BPI: variants seen among roughly 807,000 people sequenced by gnomAD.
BPI encodes bactericidal permeability-increasing protein.
In BPI, 48 loss-of-function variants were observed where a neutral mutation model predicts 57.6. That is an observed-to-expected ratio of 0.83 (90% confidence interval 0.66 to 1.06). BPI has a LOEUF of 1.06. BPI is among the 50% of genes least tolerant of loss of function. The pLI is 0.00. For missense variants in BPI, 651 were observed against 609.7 expected (o/e 1.07, Z -0.71); for synonymous variants, 237 against 238.2 (o/e 0.99, Z 0.05).
chr20:38,310,573 G>T lies in BPI; in HGVS notation c.457G>T (p.Gly153Cys). The T allele has an allele frequency of 6.2e-7, 1 of 1,614,170 alleles. No individual in the cohort carries two copies. The highest frequency in any genetic ancestry group is 2.2e-5 in the East Asian group (1 of 44,880). ...GAAGCTGGGCAGTAACCCCACGTCAGGCAAGCCCACCATCACCTGCTCCAG... is the reference window on the plus strand; with the variant it reads ...GAAGCTGGGCAGTAACCCCACGTCATGCAAGCCCACCATCACCTGCTCCAG... ...DLKLGSNPTS[G>C]KPTITCSSCS... Residue 153 changes from glycine (G) to cysteine (C), a missense_variant, in exon 4 of 15, where the codon GGC (glycine) becomes TGC (cysteine). Physicochemically the swap from Gly to Cys is radical, Grantham distance 159. Coordinates refer to ENST00000642449, the MANE Select transcript of BPI (RefSeq NM_001725.3).
At chr20:38,307,754 C>A in intron 2 of BPI, 73 bp downstream of exon 2, 2 of 1,253,678 alleles carry the variant, frequency 1.6e-6, no homozygotes, top group Admixed American at 2.0e-5. Flanking sequence ...AGCTAGAATG[C>A]AGAGCCACAA....
intron 1 of BPI, among the ~76,000 whole-genome samples, chr20:38,305,274 TA>T (rs1283925790): frequency 2.0e-5 from 3 of 151,756 alleles, no homozygotes; most frequent in African/African-American, 7.3e-5. Flanking sequence ...ACAGAAGAGC[TA>T]GGGGGAAGGA....
chr20:38,314,391 T>G (rs1353907056), intron 5 of BPI, among the ~76,000 whole-genome samples: 16 of 88,920 alleles, frequency 1.8e-4, no homozygotes, highest in Non-Finnish European at 2.0e-4. Flanking sequence ...GATGGTGAGA[T>G]TGATGATGGT....
chr20:38,311,548 A>G (rs1320621631), intron 4 of BPI, among the ~76,000 whole-genome samples: 13 of 152,188 alleles, frequency 8.5e-5, no homozygotes, highest in Admixed American at 8.5e-4. Flanking sequence ...AGGGAAGAGC[A>G]TGTGCAAAGG....
At chr20:38,316,824 G>C (rs572181560) in intron 5 of BPI, among the ~76,000 whole-genome samples, 17 of 152,210 alleles carry the variant, frequency 1.1e-4, no homozygotes, top group Non-Finnish European at 2.1e-4. Context: ...AGTCCAGAGA[G>C]TGTGGGTGAG....
intron 11 of BPI, among the ~76,000 whole-genome samples, chr20:38,329,288 C>A (rs78256672): frequency 3.9e-5 from 6 of 152,110 alleles, no homozygotes; most frequent in Non-Finnish European, 5.9e-5. Flanking sequence ...ACCTGGCACC[C>A]GCCTCTTCAG....
intron 12 of BPI, 91 bp downstream of exon 12, chr20:38,331,181 G>T: frequency 1.4e-6 from 2 of 1,424,124 alleles, no homozygotes; most frequent in Admixed American, 3.7e-5. Context: ...TATTTAAGAG[G>T]CTACTGGCTC....
intron 10 of BPI, among the ~76,000 whole-genome samples, chr20:38,327,266 CT>C (rs2122550903): frequency 6.6e-6 from 1 of 152,366 alleles, no homozygotes; most frequent in South Asian, 2.1e-4. Context: ...GAACCGGGGA[CT>C]TCCTTCTCAT....
chr20:38,312,184 C>T (rs1289526299), intron 5 of BPI, among the ~76,000 whole-genome samples: 1 of 152,162 alleles, frequency 6.6e-6, no homozygotes, highest in Non-Finnish European at 1.5e-5. Flanking sequence ...GCTTGGGCCA[C>T]CTCTGCTTTT....
chr20:38,324,064 G>A lies in BPI; in HGVS notation c.933+18G>A. On this transcript the variant is annotated intron_variant, in intron 8 of 14. Coordinates refer to ENST00000642449, the MANE Select transcript of BPI (RefSeq NM_001725.3). The stretch of plus-strand genomic sequence containing the variant: ...ATGACATGGTAAGGCCGGGCTCTGG[G>A]TGGGTGTGGGAAGAGCACTGGACCC... The A allele has an allele frequency of 2.5e-6, 4 of 1,612,460 alleles. No individual in the cohort carries two copies. The highest frequency in any genetic ancestry group is 3.4e-6 in the Non-Finnish European group (4 of 1,179,640).
intron 7 of BPI, chr20:38,321,520 C>T (rs2076685626): frequency 6.6e-6 from 1 of 152,132 alleles, no homozygotes; most frequent in African/African-American, 2.4e-5. Flanking sequence ...ACTCAGCTGT[C>T]ACTCCCAGAG....
chr20:38,318,405 C>T lies in BPI; in HGVS notation c.601-8C>T. The T allele has an allele frequency of 6.2e-7, 1 of 1,612,018 alleles. No individual in the cohort carries two copies. Among genetic ancestry groups the T allele is most frequent in the Non-Finnish European group, 8.5e-7 (1 of 1,178,028 alleles). ...GACCTTACTGATTACTTGTTTGGTT[C>T]TCCCCAGGTCTGCGAGAAAGTGACC... On this transcript the variant is annotated splice_polypyrimidine_tract_variant and splice_region_variant and intron_variant, in intron 5 of 14. Transcript: ENST00000642449.
chr20:38,316,408 TG>T (rs1453798262), intron 5 of BPI, among the ~76,000 whole-genome samples: 1 of 152,196 alleles, frequency 6.6e-6, no homozygotes, highest in Non-Finnish European at 1.5e-5. Flanking sequence ...CAGGGACAGT[TG>T]TCCTTGAGGC....
chr20:38,313,230 A>C (rs1215238861), intron 5 of BPI, among the ~76,000 whole-genome samples: 1 of 152,084 alleles, frequency 6.6e-6, no homozygotes, highest in Non-Finnish European at 1.5e-5. Context: ...CTAAAAATAC[A>C]AAATTAGCTG....
chr20:38,308,016 C>T (rs147708447), intron 2 of BPI, among the ~76,000 whole-genome samples: 175 of 152,330 alleles, frequency 1.1e-3, no homozygotes, highest in African/African-American at 4.0e-3. Flanking sequence ...AAGAGTCTGG[C>T]TTCAGGTTCA....
chr20:38,318,551 T>A, intron 6 of BPI, 75 bp downstream of exon 6: 1 of 1,531,172 alleles, frequency 6.5e-7, no homozygotes, highest in Non-Finnish European at 9.0e-7. Context: ...GTGGATGTGA[T>A]GGGGCCGGCA....
At position 38,320,389 on chromosome 20, in the gene BPI, A is replaced by G; in HGVS notation, c.756+115A>G. 5.6e-6 allele frequency: 5 copies of G among 890,548 alleles called. 1 individual carries two copies. The highest frequency in any genetic ancestry group is 4.6e-5 in the Admixed American group (2 of 43,218). The allele number at this position is 890,548 out of a possible 1,614,324, so 55.2% of individuals were successfully genotyped here. On this transcript the variant is annotated intron_variant, in intron 7 of 14. Transcript: ENST00000642449. ...TCCCCTACTTCCTATCTGACTCACC[A>G]CCACCCTCTCTACTCTCCCCGCCTC...
rs780241388 is a variant in BPI at position 38,320,306 on chromosome 20, AC to A, written c.756+33del. ...CTGACACTGAGAATCATACACCCTC[AC>A]ACCTCTGTCTCAGACACTCCAGGGC... On this transcript the variant is annotated intron_variant, in intron 7 of 14. Coordinates refer to ENST00000642449, the MANE Select transcript of BPI (RefSeq NM_001725.3). The A allele has an allele frequency of 1.3e-5, 20 of 1,595,844 alleles. No homozygotes were observed. In the South Asian group the frequency reaches 1.9e-4, roughly 15 times the overall value.
At chr20:38,327,509 G>A in intron 10 of BPI, 79 bp from the exon 11 acceptor site, 1 of 1,523,134 alleles carries the variant, frequency 6.6e-7, no homozygotes, top group Non-Finnish European at 9.0e-7. Flanking sequence ...CCGTTGTGAA[G>A]CTGACCCTTC....
Sources: allele counts gnomAD v4.1 joint callset (sites outside exome capture counted in the v4.1 genomes callset), GRCh38; gene constraint gnomAD v4.1.1; transcripts MANE v1.5; gene names NCBI Gene and HGNC (gene_info 2026-07-23, HGNC 2026-07-21).